MCTS1: variants seen among roughly 807,000 people sequenced by gnomAD.
The protein encoded by MCTS1 is MCTS1 re-initiation and release factor.
For missense variants in MCTS1, 55 were observed against 128.6 expected, an observed-to-expected ratio of 0.43 and a Z score of 2.77; for synonymous variants, 26 against 40.8, an observed-to-expected ratio of 0.64 and a Z score of 1.38.
intron 4 of MCTS1, among the ~76,000 whole-genome samples, chrX:120,610,570 G>T (rs781394512): frequency 8.9e-6 from 1 of 112,546 alleles, no homozygotes; most frequent in East Asian, 2.8e-4. Context: ...CCAAGACTGC[G>T]CCATTGCACT....
Position 120,620,144 on chromosome X carries a change from T to C in MCTS1, c.*7880T>C, listed in dbSNP as rs182930429. On this transcript the variant is annotated 3_prime_UTR_variant, in exon 6 of 6. Coordinates refer to ENST00000371317, the MANE Select transcript of MCTS1 (RefSeq NM_014060.3). Reference sequence around the variant, plus strand: ...GGCTAACGTGAAACCCCGTCTATACTAAAAATACAAAAAATTAACCGGACG... The same window carrying C: ...GGCTAACGTGAAACCCCGTCTATACCAAAAATACAAAAAATTAACCGGACG... 1.8e-3 allele frequency among the ~76,000 whole-genome samples: 200 copies of C among 109,607 alleles called. 2 individuals carry two copies. The highest frequency in any genetic ancestry group is 0.012 in the East Asian group (40 of 3,452).
intron 4 of MCTS1, among the ~76,000 whole-genome samples, chrX:120,609,239 G>C (rs1926620206): frequency 8.9e-6 from 1 of 111,853 alleles, no homozygotes; most frequent in Non-Finnish European, 1.9e-5. Flanking sequence ...CTGGAGTGCA[G>C]TGGCACGATC....
rs1249972622 is a variant in MCTS1, at chrX:120,617,863, C to G, written c.*5599C>G. On this transcript the variant is annotated 3_prime_UTR_variant, in exon 6 of 6. Transcript: ENST00000371317. Reference sequence around the variant, plus strand: ...TTAAGCAATAAATCATTTGTTCTAACTAAGCACATGCTTGGAAAAAGTGCT... The same window carrying G: ...TTAAGCAATAAATCATTTGTTCTAAGTAAGCACATGCTTGGAAAAAGTGCT... 8.9e-6 allele frequency among the ~76,000 whole-genome samples: 1 copy of G among 112,744 alleles called. No individual in the cohort carries two copies. The highest frequency in any genetic ancestry group is 1.9e-5 in the Non-Finnish European group (1 of 53,376).
chrX:120,615,576 A>G lies in MCTS1; in HGVS notation c.*3312A>G, dbSNP rs979167641. 8.9e-6 allele frequency among the ~76,000 whole-genome samples: 1 copy of G among 111,926 alleles called. No homozygotes were observed. Among genetic ancestry groups the G allele is most frequent in the African/African-American group, 3.2e-5 (1 of 30,838 alleles). Reference sequence around the variant, plus strand: ...TACTAATCCTTTTCCAATTTTAGTCATCAAAAATTGTAAATTACAAATGAA... The same window carrying G: ...TACTAATCCTTTTCCAATTTTAGTCGTCAAAAATTGTAAATTACAAATGAA... On this transcript the variant is annotated 3_prime_UTR_variant, in exon 6 of 6. Transcript: ENST00000371317.
At position 120,614,625 on chromosome X, in the gene MCTS1, T is replaced by C. The variant is rs755057164; in HGVS notation, c.*2361T>C. On this transcript the variant is annotated 3_prime_UTR_variant, in exon 6 of 6. Transcript: ENST00000371317. Reference sequence around the variant, plus strand: ...GGGGTTTCTTCAACAGATAGTTTAATTTTTTGCTGACTTACTGGCTTCAAA... The same window carrying C: ...GGGGTTTCTTCAACAGATAGTTTAACTTTTTGCTGACTTACTGGCTTCAAA... Among the ~76,000 whole-genome samples the C allele has an allele frequency of 1.9e-3, 210 of 112,257 alleles. 1 individual carries two copies. Among genetic ancestry groups the C allele is most frequent in the African/African-American group, 6.5e-3 (202 of 30,970 alleles).
intron 3 of MCTS1, among the ~76,000 whole-genome samples, chrX:120,607,202 T>C (rs1293523105): frequency 9.0e-6 from 1 of 111,057 alleles, no homozygotes; most frequent in Non-Finnish European, 1.9e-5. Context: ...ACCACCTATA[T>C]ATATTTATAA....
At chrX:120,604,598 C>T (rs1926482443) in intron 1 of MCTS1, 3 of 839,409 alleles carry the variant, frequency 3.6e-6, no homozygotes, top group Non-Finnish European at 4.7e-6. Flanking sequence ...GGGAGCCCTG[C>T]GCTCACTGCC....
chrX:120,616,554 T>C lies in MCTS1; in HGVS notation c.*4290T>C, dbSNP rs184235882. On this transcript the variant is annotated 3_prime_UTR_variant, in exon 6 of 6. Transcript: ENST00000371317. ...AGTTTTTAAATCATTGTTGAGACTA[T>C]TAGGTTCATCTGTCTGTTTAAGAGT... Among the ~76,000 whole-genome samples, 9 of 111,939 alleles carry C rather than the reference T, an allele frequency of 8.0e-5. No homozygotes were observed. The East Asian group carries it at 1.4e-3, about 17-fold the overall frequency.
At position 120,620,733 on chromosome X, in the gene MCTS1, C is replaced by T. The variant is rs937198104; in HGVS notation, c.*8469C>T. The T allele has an allele frequency of 1.8e-5, 2 of 111,594 alleles. No individual in the cohort carries two copies. The highest frequency in any genetic ancestry group is 6.5e-5 in the African/African-American group (2 of 30,725). The allele number at this position is 111,594 out of a possible 1,213,427, so 9.2% of individuals were successfully genotyped here. A position where few individuals can be genotyped will look rare whatever the true frequency, so the allele number is the denominator to read the frequency against. ...GAGGGGCCTAATCTACATTTTGCTCCGGATCCAATGATTTAATTTTTGGGA... is the reference window on the plus strand; with the variant it reads ...GAGGGGCCTAATCTACATTTTGCTCTGGATCCAATGATTTAATTTTTGGGA... On this transcript the variant is annotated 3_prime_UTR_variant, in exon 6 of 6. Coordinates refer to ENST00000371317, the MANE Select transcript of MCTS1 (RefSeq NM_014060.3).
chrX:120,607,965 G>A (rs1463688467), intron 3 of MCTS1, among the ~76,000 whole-genome samples: 1 of 111,332 alleles, frequency 9.0e-6, no homozygotes, highest in Admixed American at 9.6e-5. Flanking sequence ...GCTGAGGCGG[G>A]AAGATTGCAT....
In MCTS1 at chrX:120,615,611, G is replaced by A. The variant is rs190155788; in HGVS notation, c.*3347G>A. ...GTAAATTACAAATGAACTAAATGTA[G>A]TAATATTCCATAGATTGTATCCAAT... On this transcript the variant is annotated 3_prime_UTR_variant, in exon 6 of 6. Coordinates refer to ENST00000371317, the MANE Select transcript of MCTS1 (RefSeq NM_014060.3). 9.0e-6 allele frequency among the ~76,000 whole-genome samples: 1 copy of A among 111,061 alleles called. No individual in the cohort carries two copies.
Position 120,605,514 on chromosome X carries a change from T to G in MCTS1, c.119T>G (p.Leu40Arg). Reference protein sequence around the residue: ...IEQFPGIEPWLNQIMPKKDPV... With the variant: ...IEQFPGIEPWRNQIMPKKDPV... ...CAATTTCCAGGTATTGAACCATGGC[T>G]TAATCAAATCATGCCTAAGAAAGAT... The change falls in exon 2 of 6, where the codon CTT becomes CGT. Residue 40 changes from leucine to arginine, a missense_variant. Leu to Arg is a moderately radical substitution (Grantham distance 102, BLOSUM62 -2). Coordinates refer to ENST00000371317, the MANE Select transcript of MCTS1 (RefSeq NM_014060.3). The G allele has an allele frequency of 8.3e-7, 1 of 1,201,765 alleles. No homozygotes were observed. The highest frequency in any genetic ancestry group is 1.1e-6 in the Non-Finnish European group (1 of 892,135).
chrX:120,606,708 C>T (rs908135228), intron 3 of MCTS1, among the ~76,000 whole-genome samples: 5 of 106,674 alleles, frequency 4.7e-5, no homozygotes, highest in Admixed American at 2.1e-4. Context: ...CACTTCAACC[C>T]GCGAGGCGGA....
intron 5 of MCTS1, 110 bp downstream of exon 5, chrX:120,611,188 T>C: frequency 1.6e-6 from 1 of 629,321 alleles, no homozygotes; most frequent in Non-Finnish European, 2.5e-6. Context: ...TACACAAATA[T>C]CCAAGCACAG....
intron 4 of MCTS1, among the ~76,000 whole-genome samples, chrX:120,608,727 T>C (rs1926605143): frequency 8.9e-6 from 1 of 111,936 alleles, no homozygotes; most frequent in African/African-American, 3.2e-5. Context: ...AACTTGCCAC[T>C]GTAATGTTCA....
rs1428041857 is a variant in MCTS1, at chrX:120,619,718, A to G, written c.*7454A>G. Among the ~76,000 whole-genome samples, 1 of 111,281 alleles carries G rather than the reference A, an allele frequency of 9.0e-6. No homozygotes were observed. The highest frequency in any genetic ancestry group is 1.9e-5 in the Non-Finnish European group (1 of 53,073). Reference sequence around the variant, plus strand: ...TCCACGATGGGAAAAAATGGGTAGGATTTGAATGAGTAAGAGTGGGATACT... The same window carrying G: ...TCCACGATGGGAAAAAATGGGTAGGGTTTGAATGAGTAAGAGTGGGATACT... On this transcript the variant is annotated 3_prime_UTR_variant, in exon 6 of 6. Coordinates refer to ENST00000371317, the MANE Select transcript of MCTS1 (RefSeq NM_014060.3).
rs1277774621 is a variant in MCTS1, at chrX:120,620,268, ACTG to A, written c.*8006_*8008del. ...GCTTGCAGTGAGCTGAGATCGCACC[ACTG>A]CATTCCAGCCTGGACAACAGAGCGA... On this transcript the variant is annotated 3_prime_UTR_variant, in exon 6 of 6. Coordinates refer to ENST00000371317, the MANE Select transcript of MCTS1 (RefSeq NM_014060.3). Among the ~76,000 whole-genome samples the A allele has an allele frequency of 2.7e-5, 3 of 109,277 alleles. No individual in the cohort carries two copies. The highest frequency in any genetic ancestry group is 5.7e-5 in the Non-Finnish European group (3 of 52,618). The allele number at this position is 109,277 out of a possible 115,157, so 94.9% of individuals were successfully genotyped here. A position where few individuals can be genotyped will look rare whatever the true frequency, so the allele number is the denominator to read the frequency against.
intron 1 of MCTS1, chrX:120,604,901 G>C (rs1433296277): frequency 8.8e-7 from 1 of 1,142,407 alleles, no homozygotes; most frequent in South Asian, 2.0e-5. Flanking sequence ...GAGCAAAAAC[G>C]AATAGGGATC....
Position 120,617,977 on chromosome X carries a change from G to A in MCTS1, c.*5713G>A, listed in dbSNP as rs1746440002. Reference sequence around the variant, plus strand: ...CCATACTGCGGTGGCTTCCAAGGTTGGCCAACCTGTTTTTATTCTTACCAC... The same window carrying A: ...CCATACTGCGGTGGCTTCCAAGGTTAGCCAACCTGTTTTTATTCTTACCAC... On this transcript the variant is annotated 3_prime_UTR_variant, in exon 6 of 6. Coordinates refer to ENST00000371317, the MANE Select transcript of MCTS1 (RefSeq NM_014060.3). 8.9e-6 allele frequency among the ~76,000 whole-genome samples: 1 copy of A among 112,239 alleles called. No individual in the cohort carries two copies. The highest frequency in any genetic ancestry group is 3.2e-5 in the African/African-American group (1 of 30,895).
Sources: gnomAD v4.1 joint callset for allele counts (sites outside exome capture counted in the v4.1 genomes callset) on GRCh38, gnomAD v4.1.1 for gene constraint, MANE v1.5 for transcripts, NCBI Gene and HGNC (gene_info 2026-07-23, HGNC 2026-07-21) for gene names.